The following LNX2 variants were observed in gnomAD, a reference collection of about 807,000 sequenced individuals.
LNX2 encodes the protein ligand of Numb protein X 2.
A neutral mutation model predicts 66.2 loss-of-function variants in LNX2; 35 were observed. The ratio of observed to expected loss-of-function variants is 0.53; its 90% confidence interval spans 0.40 to 0.70. LNX2 has a LOEUF of 0.70. LNX2 is among the 30% of genes least tolerant of loss of function. The pLI is 0.00. For synonymous variants in LNX2, 337 were observed against 315.6 expected, an observed-to-expected ratio of 1.07 and a Z score of -0.72; for missense variants, 791 against 850.8, an observed-to-expected ratio of 0.93 and a Z score of 0.87.
At position 27,562,591 on chromosome 13, in the gene LNX2, T is replaced by A. The variant is rs1211060388; in HGVS notation, c.1046A>T (p.Glu349Val). 2 of 1,614,166 alleles carry A rather than the reference T, an allele frequency of 1.2e-6. No homozygotes were observed. Among genetic ancestry groups the A allele is most frequent in the Middle Eastern group, 3.3e-4 (2 of 6,062 alleles). ...QVALHKRDSG[E>V]QLGIKLVRRT... ...TCGCACCAATTTAATGCCAAGCTGT[T>A]CACCAGAGTCCCGTTTATGAAGAGC... Residue 349 changes from glutamate to valine, a missense_variant, in exon 5 of 10, where the codon GAA becomes GTA. By Grantham distance (121) the Glu-to-Val change is moderately radical. Coordinates refer to ENST00000316334, the MANE Select transcript of LNX2 (RefSeq NM_153371.4).
At chr13:27,593,051 T>C (rs1312947573) in intron 1 of LNX2, among the ~76,000 whole-genome samples, 1 of 152,130 alleles carries the variant, frequency 6.6e-6, no homozygotes, top group African/African-American at 2.4e-5. Context: ...TGGTAGGAAG[T>C]GAAACAATCA....
intron 7 of LNX2, among the ~76,000 whole-genome samples, chr13:27,554,829 C>T (rs1341728169): frequency 3.3e-5 from 5 of 152,212 alleles, no homozygotes; most frequent in African/African-American, 1.2e-4. Flanking sequence ...AACAGTTGTA[C>T]CACTTTATAT....
At chr13:27,607,909 G>A (rs1955734630) in intron 1 of LNX2, among the ~76,000 whole-genome samples, 1 of 152,172 alleles carries the variant, frequency 6.6e-6, no homozygotes, top group Admixed American at 6.5e-5. Flanking sequence ...CTAGTAACCA[G>A]CATAACAGAC....
chr13:27,613,445 G>A (rs1955794266), intron 1 of LNX2, among the ~76,000 whole-genome samples: 1 of 152,116 alleles, frequency 6.6e-6, no homozygotes, highest in Non-Finnish European at 1.5e-5. Flanking sequence ...GAAAATTTAG[G>A]GAAACGACAA....
chr13:27,562,849 G>C, intron 4 of LNX2, 68 bp from the exon 5 acceptor site: 2 of 1,505,518 alleles, frequency 1.3e-6, no homozygotes, highest in Non-Finnish European at 1.8e-6. Flanking sequence ...GAATGTTTAT[G>C]TGACATTTCC....
Position 27,583,255 on chromosome 13 carries a change from T to TGTGCGCGCGTGTGTGCGC in LNX2, c.-100-1453_-100-1452insGCGCACACACGCGCGCAC, listed in dbSNP as rs1555268514. On this transcript the variant is annotated intron_variant, in intron 1 of 9. Transcript: ENST00000316334. ...GTGTGTGTGTGTGTGTGTGTGTGTG[T>TGTGCGCGCGTGTGTGCGC]GCGCGCGTCCTCTCCAACATACTTA... Among the ~76,000 whole-genome samples the TGTGCGCGCGTGTGTGCGC allele has an allele frequency of 3.4e-5, 2 of 58,530 alleles. 1 individual carries two copies. The highest frequency in any genetic ancestry group is 6.4e-5 in the Non-Finnish European group (2 of 31,258). 38.4% of individuals were successfully genotyped at this position (58,530 alleles called of 152,430 possible).
intron 1 of LNX2, among the ~76,000 whole-genome samples, chr13:27,614,107 T>G (rs1955802185): frequency 6.6e-6 from 1 of 152,232 alleles, no homozygotes; most frequent in Non-Finnish European, 1.5e-5. Context: ...AAGCTAATTT[T>G]GGGAGAAATT....
At chr13:27,587,912 T>C (rs1955506978) in intron 1 of LNX2, among the ~76,000 whole-genome samples, 1 of 150,946 alleles carries the variant, frequency 6.6e-6, no homozygotes, top group South Asian at 2.1e-4. Context: ...TCCCAGCTTC[T>C]CAGGAGGCTG....
Position 27,601,099 on chromosome 13 carries a change from T to C in LNX2, c.-101+19276A>G, listed in dbSNP as rs1433946745. 7.2e-5 allele frequency among the ~76,000 whole-genome samples: 11 copies of C among 152,226 alleles called. No homozygotes were observed. In the East Asian group the frequency reaches 1.7e-3, roughly 24 times the overall value. Reference sequence around the variant, plus strand: ...TTCACTATTACTACAGGCTGGACATTATACTGATTGCTTTACAAGCAGTAT... The same window carrying C: ...TTCACTATTACTACAGGCTGGACATCATACTGATTGCTTTACAAGCAGTAT... On this transcript the variant is annotated intron_variant, in intron 1 of 9. Coordinates refer to ENST00000316334, the MANE Select transcript of LNX2 (RefSeq NM_153371.4).
chr13:27,550,777 T>A (rs138640271), intron 8 of LNX2, among the ~76,000 whole-genome samples: 1,701 of 152,206 alleles, frequency 0.011, 30 homozygotes, highest in African/African-American at 0.038. Flanking sequence ...CTCAGTAACC[T>A]GTACAAAAAG....
intron 2 of LNX2, among the ~76,000 whole-genome samples, chr13:27,569,559 C>T (rs1955252320): frequency 6.6e-6 from 1 of 152,184 alleles, no homozygotes; most frequent in Non-Finnish European, 1.5e-5. Context: ...CACCAGAAAA[C>T]ACCCTCATAG....
At chr13:27,554,448 C>T (rs1268144649) in intron 7 of LNX2, among the ~76,000 whole-genome samples, 4 of 152,212 alleles carry the variant, frequency 2.6e-5, no homozygotes. Flanking sequence ...TCTGTCTCTA[C>T]AGATTTGCCT....
chr13:27,611,077 C>A (rs1410975009), intron 1 of LNX2, among the ~76,000 whole-genome samples: 1 of 152,174 alleles, frequency 6.6e-6, no homozygotes, highest in African/African-American at 2.4e-5. Flanking sequence ...AGTTCGACTA[C>A]CATATGATCT....
chr13:27,599,920 T>C (rs1408806350), intron 1 of LNX2, among the ~76,000 whole-genome samples: 3 of 152,180 alleles, frequency 2.0e-5, no homozygotes, highest in African/African-American at 7.2e-5. Flanking sequence ...AATCTTTTGG[T>C]TGCTGTTTCC....
chr13:27,612,929 C>T (rs951110378), intron 1 of LNX2, among the ~76,000 whole-genome samples: 3 of 152,120 alleles, frequency 2.0e-5, no homozygotes, highest in Non-Finnish European at 1.5e-5. Flanking sequence ...TCTTGAATCG[C>T]CTCTAGATTG....
At chr13:27,607,941 T>C (rs1446304480) in intron 1 of LNX2, among the ~76,000 whole-genome samples, 2 of 152,224 alleles carry the variant, frequency 1.3e-5, no homozygotes, top group African/African-American at 4.8e-5. Context: ...AATCACATCA[T>C]CTAATTTTCC....
intron 1 of LNX2, among the ~76,000 whole-genome samples, chr13:27,613,865 A>C (rs1472341209): frequency 3.3e-5 from 5 of 152,266 alleles, no homozygotes; most frequent in African/African-American, 1.2e-4. Context: ...AAGATTTTAA[A>C]TACTACAAGG....
intron 3 of LNX2, among the ~76,000 whole-genome samples, chr13:27,568,468 G>A (rs1184214054): frequency 1.3e-5 from 2 of 152,112 alleles, no homozygotes; most frequent in African/African-American, 4.8e-5. Flanking sequence ...TACCAGAGGT[G>A]TATAACGGTG....
rs757426739 is a variant in LNX2 at position 27,553,357 on chromosome 13, G to A, written c.1629C>T (p.Ala543=). ...CTTTAAGGGCAACAGCAGGGGACGC[G>A]GCACTGGCTTTCAGCATTGCAACTG... ...SEAVAMLKAS[A]ASPAVALKAL... is the part of the protein sequence containing the mutation. Residue 543 remains alanine (A), a synonymous_variant, in exon 8 of 10, where the codon GCC becomes GCT. Transcript: ENST00000316334. 1.2e-5 allele frequency: 20 copies of A among 1,613,964 alleles called. No homozygotes were observed. Among genetic ancestry groups the A allele is most frequent in the Admixed American group, 1.7e-5 (1 of 59,986 alleles).
Sources: allele counts gnomAD v4.1 joint callset (sites outside exome capture counted in the v4.1 genomes callset), GRCh38; gene constraint gnomAD v4.1.1; transcripts MANE v1.5; gene names NCBI Gene and HGNC (gene_info 2026-07-23, HGNC 2026-07-21).